The following PLPP3 variants were observed in gnomAD, a reference collection of about 807,000 sequenced individuals.
PLPP3 encodes phospholipid phosphatase 3, also known as PAP2 beta.
In PLPP3, 6 loss-of-function variants were observed where a neutral mutation model predicts 29.6. The observed-to-expected ratio is 0.20, with a 90% CI of 0.11 to 0.40. PLPP3 has a LOEUF of 0.40. PLPP3 is among the 10% of genes least tolerant of loss of function. PLPP3 has a pLI of 1.00. For missense variants in PLPP3, 308 were observed against 407.7 expected (o/e 0.76, Z 2.11); for synonymous variants, 152 against 159.7 (o/e 0.95, Z 0.36).
intron 1 of PLPP3, among the ~76,000 whole-genome samples, chr1:56,537,888 G>C (rs550550455): frequency 6.6e-6 from 1 of 152,298 alleles, no homozygotes; most frequent in Non-Finnish European, 1.5e-5. Context: ...CTGGTTATCA[G>C]TGGCCAGCTC....
At chr1:56,504,705 T>C (rs1645691492) in intron 5 of PLPP3, among the ~76,000 whole-genome samples, 1 of 152,214 alleles carries the variant, frequency 6.6e-6, no homozygotes, top group African/African-American at 2.4e-5. Context: ...TCCTTATCTT[T>C]TGTATCTTAC....
In PLPP3 at chr1:56,536,944, T is replaced by C. The variant is rs1466708204; in HGVS notation, c.297+11A>G. 1.1e-5 allele frequency: 17 copies of C among 1,613,444 alleles called. No individual in the cohort carries two copies. Among genetic ancestry groups the C allele is most frequent in the Non-Finnish European group, 1.4e-5 (17 of 1,179,654 alleles). On this transcript the variant is annotated intron_variant, in intron 2 of 5. Coordinates refer to ENST00000371250, the MANE Select transcript of PLPP3 (RefSeq NM_003713.5). ...AGACAGGATCCACCATAGCAGAGTC[T>C]GGACACTTACCGCGAGGATGGCAAT...
intron 4 of PLPP3, among the ~76,000 whole-genome samples, chr1:56,518,503 C>G (rs1224089713): frequency 6.6e-6 from 1 of 152,042 alleles, no homozygotes; most frequent in Admixed American, 6.6e-5. Context: ...TCTATCAAGT[C>G]CGTGATGAGG....
intron 2 of PLPP3, among the ~76,000 whole-genome samples, chr1:56,525,226 A>G (rs1437545270): frequency 6.6e-6 from 1 of 152,216 alleles, no homozygotes; most frequent in Non-Finnish European, 1.5e-5. Context: ...GACCTGGATC[A>G]CAGAAAGTGA....
At chr1:56,508,942 A>G (rs528045042) in intron 5 of PLPP3, among the ~76,000 whole-genome samples, 1 of 152,280 alleles carries the variant, frequency 6.6e-6, no homozygotes, top group South Asian at 2.1e-4. Flanking sequence ...ACGGCTGGAA[A>G]AGACACTACC....
At chr1:56,559,561 T>C (rs74073725) in intron 1 of PLPP3, among the ~76,000 whole-genome samples, 1,779 of 151,520 alleles carry the variant, frequency 0.012, 29 homozygotes, top group African/African-American at 0.041. Context: ...CTTGAATTTT[T>C]TTTTTTTTTT....
chr1:56,567,368 T>G (rs1442262072), intron 1 of PLPP3, among the ~76,000 whole-genome samples: 2 of 151,962 alleles, frequency 1.3e-5, no homozygotes, highest in African/African-American at 4.8e-5. Context: ...TTCCCTTACA[T>G]GTCTGCATTA....
In PLPP3 at chr1:56,495,655, G is replaced by T. The variant is rs1645626698; in HGVS notation, c.*896C>A. 6.5e-6 allele frequency: 1 copy of T among 152,680 alleles called. No homozygotes were observed. The highest frequency in any genetic ancestry group is 1.5e-5 in the Non-Finnish European group (1 of 68,060). The allele number at this position is 152,680 out of a possible 1,614,324, so 9.5% of individuals were successfully genotyped here. On this transcript the variant is annotated 3_prime_UTR_variant, in exon 6 of 6. Transcript: ENST00000371250. ...TACAGAAGGCTGCTTTCCGTCAGCT[G>T]GTGGCAGACCATGCCTTGCTCATTC... is the stretch of plus-strand genomic sequence containing the variant.
At chr1:56,569,626 A>C (rs895700211) in intron 1 of PLPP3, among the ~76,000 whole-genome samples, 2 of 152,202 alleles carry the variant, frequency 1.3e-5, no homozygotes, top group African/African-American at 4.8e-5. Context: ...TAAAAAGAAA[A>C]ACAAAAAGAA....
rs902533630 is a variant in PLPP3, at chr1:56,524,806, A to G, written c.298-252T>C. The stretch of plus-strand genomic sequence containing the variant: ...AATATATTTATATGTATATATGTGT[A>G]TGTGTGTGTGTGTGTGTGTGTGTGT... On this transcript the variant is annotated intron_variant, in intron 2 of 5. Coordinates refer to ENST00000371250, the MANE Select transcript of PLPP3 (RefSeq NM_003713.5). This position sits in a 1 kb window ranked among gnomAD's most constrained non-coding sequence, Gnocchi z 4.3. Among the ~76,000 whole-genome samples, 25 of 148,260 alleles carry G rather than the reference A, an allele frequency of 1.7e-4. No homozygotes were observed. The highest frequency in any genetic ancestry group is 3.2e-4 in the African/African-American group (13 of 40,274).
In PLPP3 at chr1:56,498,039, T is replaced by C. The variant is rs538366890; in HGVS notation, c.811-1363A>G. Reference sequence around the variant, plus strand: ...TACCAAAACATATAATAAGTATTATTTTGTTGTTAAAAAAAAAAAGCTAGG... The same window carrying C: ...TACCAAAACATATAATAAGTATTATCTTGTTGTTAAAAAAAAAAAGCTAGG... On this transcript the variant is annotated intron_variant, in intron 5 of 5. Coordinates refer to ENST00000371250, the MANE Select transcript of PLPP3 (RefSeq NM_003713.5). Among the ~76,000 whole-genome samples the C allele has an allele frequency of 1.1e-4, 16 of 152,168 alleles. No individual in the cohort carries two copies. The East Asian group carries it at 2.5e-3, about 24-fold the overall frequency.
chr1:56,575,410 G>A (rs1646229020), intron 1 of PLPP3, among the ~76,000 whole-genome samples: 1 of 152,160 alleles, frequency 6.6e-6, no homozygotes. Flanking sequence ...CAACCATTTA[G>A]TTGGAAATCA....
At chr1:56,508,740 C>T (rs1645720511) in intron 5 of PLPP3, among the ~76,000 whole-genome samples, 1 of 152,230 alleles carries the variant, frequency 6.6e-6, no homozygotes, top group Admixed American at 6.5e-5. Flanking sequence ...GATAAAGCTG[C>T]AAAACCCATG....
At chr1:56,551,300 G>T (rs1327486153) in intron 1 of PLPP3, among the ~76,000 whole-genome samples, 2 of 150,134 alleles carry the variant, frequency 1.3e-5, no homozygotes, top group East Asian at 1.9e-4. Context: ...GGTTCGGTTC[G>T]GTTCGGTTCG....
intron 4 of PLPP3, among the ~76,000 whole-genome samples, chr1:56,518,688 G>A (rs958326784): frequency 4.3e-5 from 6 of 140,428 alleles, no homozygotes; most frequent in South Asian, 2.3e-4. Flanking sequence ...TCTCTCCCCC[G>A]GGGAATTTAC....
intron 1 of PLPP3, among the ~76,000 whole-genome samples, chr1:56,558,592 G>A (rs1646099438): frequency 6.6e-6 from 1 of 152,222 alleles, no homozygotes; most frequent in Non-Finnish European, 1.5e-5. Context: ...GTATATTCAT[G>A]TCAAAGAGCC....
At chr1:56,547,592 C>T (rs918190830) in intron 1 of PLPP3, among the ~76,000 whole-genome samples, 1 of 152,100 alleles carries the variant, frequency 6.6e-6, no homozygotes, top group African/African-American at 2.4e-5. Context: ...CTTCAGTTTC[C>T]AGCCTTTTCC....
chr1:56,506,928 T>G (rs77922669), intron 5 of PLPP3, among the ~76,000 whole-genome samples: 6,157 of 152,272 alleles, frequency 0.04, 153 homozygotes, highest in South Asian at 0.092. Flanking sequence ...TCTGTCCAGA[T>G]CTCTGAAGGT....
In PLPP3 at chr1:56,505,474, G is replaced by A. The variant is rs146294970; in HGVS notation, c.810+6502C>T. ...GAATAACATGAGCTTGAACTGCATG[G>A]GTCCACTTAAACACAAATTTTCTTC... On this transcript the variant is annotated intron_variant, in intron 5 of 5. Transcript: ENST00000371250. Among the ~76,000 whole-genome samples, 575 of 152,188 alleles carry A rather than the reference G, an allele frequency of 3.8e-3. 7 individuals carry two copies. The highest frequency in any genetic ancestry group is 0.013 in the African/African-American group (533 of 41,514).
Sources: allele counts gnomAD v4.1 joint callset (sites outside exome capture counted in the v4.1 genomes callset), GRCh38; gene constraint gnomAD v4.1.1; non-coding constraint Gnocchi (gnomAD v3.1); transcripts MANE v1.5; gene names NCBI Gene and HGNC (gene_info 2026-07-23, HGNC 2026-07-21).